Variants in SYT17 observed in about 807,000 individuals in gnomAD.
The protein encoded by SYT17 is synaptotagmin-17.
In SYT17, 22 loss-of-function variants were observed where a neutral mutation model predicts 46.7. That is an observed-to-expected ratio of 0.47 (90% CI 0.34 to 0.67). SYT17 has a LOEUF of 0.67. Ranked by LOEUF, SYT17 falls within the 30% of genes least tolerant of loss-of-function variation. The pLI is 0.01. For missense variants in SYT17, 519 were observed against 612.8 expected (o/e 0.85, Z 1.62); for synonymous variants, 251 against 248.4 (o/e 1.01, Z -0.10).
chr16:19,218,356 T>C (rs918183636), intron 5 of SYT17, among the ~76,000 whole-genome samples: 2 of 152,096 alleles, frequency 1.3e-5, no homozygotes, highest in Non-Finnish European at 2.9e-5. Flanking sequence ...AATTGATCAC[T>C]CCCCAGATAA....
chr16:19,210,095 A>C (rs1567213840), intron 5 of SYT17, among the ~76,000 whole-genome samples: 1 of 152,068 alleles, frequency 6.6e-6, no homozygotes, highest in Non-Finnish European at 1.5e-5. Flanking sequence ...TATTTTTATT[A>C]GTACAAATTT....
At chr16:19,262,607 T>C (rs1969061129) in intron 7 of SYT17, among the ~76,000 whole-genome samples, 2 of 144,366 alleles carry the variant, frequency 1.4e-5, no homozygotes, top group South Asian at 4.1e-4. Context: ...TGCCTAATTC[T>C]CCTTGCAAGG....
intron 2 of SYT17, 149 bp downstream of exon 2, chr16:19,172,926 G>T: frequency 1.0e-6 from 1 of 994,650 alleles, no homozygotes; most frequent in Non-Finnish European, 1.5e-6. Flanking sequence ...CCTTTCTACC[G>T]AAAGGAGATC....
At chr16:19,224,984 A>G (rs752780374) in intron 7 of SYT17, 146 bp downstream of exon 7, 15 of 880,606 alleles carry the variant, frequency 1.7e-5, no homozygotes, top group Non-Finnish European at 2.2e-5. Context: ...CTTAACATCT[A>G]TGAACTGGGG....
chr16:19,240,066 G>A (rs1418538573), intron 7 of SYT17, among the ~76,000 whole-genome samples: 1 of 152,206 alleles, frequency 6.6e-6, no homozygotes, highest in Non-Finnish European at 1.5e-5. Context: ...CCCCAAAGGG[G>A]AAGTCACAAA....
chr16:19,184,125 A>G lies in SYT17; in HGVS notation c.929A>G (p.Lys310Arg), dbSNP rs1242218945. The change falls in exon 5 of 8, where the codon AAG becomes AGG. Residue 310 changes from lysine (K) to arginine (R), a missense_variant. Lys to Arg is a conservative substitution (Grantham distance 26). Coordinates refer to ENST00000355377, the MANE Select transcript of SYT17 (RefSeq NM_016524.4). ...CTGGTCAAGGGCGGGCACTGGTGGA[A>G]GGCGCTGATTCCCAGTTCTCAGGTA... The part of the protein sequence containing the change: ...VDLVKGGHWW[K>R]ALIPSSQNEV... 1.2e-6 allele frequency: 2 copies of G among 1,613,982 alleles called. No individual in the cohort carries two copies. Among genetic ancestry groups the G allele is most frequent in the Admixed American group, 3.3e-5 (2 of 60,012 alleles).
At chr16:19,181,016 C>T (rs746947832) in intron 4 of SYT17, among the ~76,000 whole-genome samples, 2 of 152,088 alleles carry the variant, frequency 1.3e-5, no homozygotes, top group Non-Finnish European at 2.9e-5. Context: ...GTGGGGACTT[C>T]GGTCAATTGA....
At chr16:19,167,894 C>G (rs1459621490), upstream of SYT17, 1 of 152,336 alleles carries the variant, frequency 6.6e-6, no homozygotes, top group Non-Finnish European at 1.5e-5. Flanking sequence ...TCCGCGCGCC[C>G]CCTGCAGCCC....
chr16:19,217,600 T>C (rs1244133317), intron 5 of SYT17, among the ~76,000 whole-genome samples: 1 of 152,236 alleles, frequency 6.6e-6, no homozygotes, highest in Admixed American at 6.5e-5. Context: ...ATCTATCTGT[T>C]GATGGACATT....
At chr16:19,248,509 G>T (rs1041322296) in intron 7 of SYT17, among the ~76,000 whole-genome samples, 6 of 152,182 alleles carry the variant, frequency 3.9e-5, no homozygotes, top group African/African-American at 1.4e-4. Flanking sequence ...TAAACAAATT[G>T]TGAGACATTC....
At chr16:19,169,831 G>A (rs987827151) in intron 1 of SYT17, 6 of 152,228 alleles carry the variant, frequency 3.9e-5, no homozygotes, top group Non-Finnish European at 5.9e-5. Context: ...CGCCTACTAA[G>A]TGCTGGCACT....
At chr16:19,253,099 C>T (rs1968304720) in intron 7 of SYT17, among the ~76,000 whole-genome samples, 1 of 152,206 alleles carries the variant, frequency 6.6e-6, no homozygotes, top group African/African-American at 2.4e-5. Context: ...CTACAGCCCA[C>T]TTCCTGATTT....
intron 7 of SYT17, among the ~76,000 whole-genome samples, chr16:19,256,619 A>G (rs1968593312): frequency 6.6e-6 from 1 of 151,616 alleles, no homozygotes; most frequent in South Asian, 2.1e-4. Flanking sequence ...TACTCTTTCG[A>G]CCAGGCTGGA....
chr16:19,205,718 G>A (rs561008297), intron 5 of SYT17, among the ~76,000 whole-genome samples: 2 of 152,330 alleles, frequency 1.3e-5, no homozygotes, highest in South Asian at 4.1e-4. Context: ...CTGACCTCAA[G>A]TGATCCACCG....
At chr16:19,187,636 G>T (rs1313463030) in intron 5 of SYT17, among the ~76,000 whole-genome samples, 1 of 152,190 alleles carries the variant, frequency 6.6e-6, no homozygotes, top group Non-Finnish European at 1.5e-5. Context: ...ACTGAGGGAA[G>T]AATATGCTCC....
chr16:19,244,711 G>A (rs72779578), intron 7 of SYT17, among the ~76,000 whole-genome samples: 10,367 of 152,176 alleles, frequency 0.068, 509 homozygotes, highest in Non-Finnish European at 0.1. Context: ...GTGATTCAGC[G>A]GCCCAGGCGC....
At chr16:19,194,534 C>G (rs1204595956) in intron 5 of SYT17, among the ~76,000 whole-genome samples, 1 of 152,200 alleles carries the variant, frequency 6.6e-6, no homozygotes, top group Non-Finnish European at 1.5e-5. Context: ...TTTGGCCAGC[C>G]CCTGGGGCAG....
Position 19,180,595 on chromosome 16 carries a change from T to G in SYT17, c.331+56T>G, listed in dbSNP as rs770989385. ...CCCTGGCTGGCTTTCCCAGACACTC[T>G]CCCACGGAGAGTCATGAAGGGCAGT... On this transcript the variant is annotated intron_variant, in intron 4 of 7. Coordinates refer to ENST00000355377, the MANE Select transcript of SYT17 (RefSeq NM_016524.4). 235 of 1,604,336 alleles carry G rather than the reference T, an allele frequency of 1.5e-4. 1 individual carries two copies. In the Middle Eastern group the frequency reaches 1.8e-3, roughly 12 times the overall value.
intron 7 of SYT17, among the ~76,000 whole-genome samples, chr16:19,244,270 C>G (rs556024626): frequency 2.6e-5 from 4 of 152,256 alleles, no homozygotes; most frequent in African/African-American, 9.6e-5. Flanking sequence ...GTGTGGCTAG[C>G]TGCTATAACA....
Sources: gnomAD v4.1 joint callset for allele counts (sites outside exome capture counted in the v4.1 genomes callset) on GRCh38, gnomAD v4.1.1 for gene constraint, MANE v1.5 for transcripts, NCBI Gene and HGNC (gene_info 2026-07-23, HGNC 2026-07-21) for gene names.